The following SDK2 variants were observed in gnomAD, a reference collection of about 807,000 sequenced individuals.
SDK2 encodes the protein sidekick cell adhesion molecule 2, also known as protein sidekick-2.
A neutral mutation model predicts 253.9 loss-of-function variants in SDK2; 105 were observed. The observed-to-expected ratio is 0.41, with a 90% confidence interval of 0.35 to 0.49. SDK2 has a LOEUF of 0.49. Ranked by LOEUF, SDK2 falls within the 20% of genes least tolerant of loss-of-function variation. The pLI is 0.06. For synonymous variants in SDK2, 1,249 were observed against 1,234.9 expected, an observed-to-expected ratio of 1.01 and a Z score of -0.24; for missense variants, 2,608 against 3,003.0, an observed-to-expected ratio of 0.87 and a Z score of 3.07.
chr17:73,496,399 A>G lies in SDK2; in HGVS notation c.224+11039T>C, dbSNP rs1424943924. On this transcript the variant is annotated intron_variant, in intron 2 of 44. Transcript: ENST00000392650. This position sits in a 1 kb window ranked among gnomAD's most constrained non-coding sequence, Gnocchi z 4.7. ...GGGGCTGGATCTGGGAAGATAAACA[A>G]CGGTTTGCCAGGTAGCAGAGGCGTG... 6.6e-6 allele frequency among the ~76,000 whole-genome samples: 1 copy of G among 152,188 alleles called. No individual in the cohort carries two copies.
chr17:73,389,678 G>A (rs1399895649), intron 29 of SDK2, among the ~76,000 whole-genome samples: 1 of 152,214 alleles, frequency 6.6e-6, no homozygotes. Context: ...CCCTGATCCT[G>A]CGCCCATCTG....
At chr17:73,442,772 G>T (rs2063425516) in intron 5 of SDK2, among the ~76,000 whole-genome samples, 1 of 151,788 alleles carries the variant, frequency 6.6e-6, no homozygotes, top group South Asian at 2.1e-4. Context: ...AACTCCCAGG[G>T]TCGATGATTG....
chr17:73,434,322 CA>C (rs1315142564), intron 9 of SDK2, among the ~76,000 whole-genome samples: 9 of 152,268 alleles, frequency 5.9e-5, no homozygotes, highest in Non-Finnish European at 1.2e-4. Flanking sequence ...AGGGTTGGGG[CA>C]GCCTCCTGGC....
intron 8 of SDK2, among the ~76,000 whole-genome samples, chr17:73,437,289 G>C (rs1030909275): frequency 6.6e-6 from 1 of 152,140 alleles, no homozygotes; most frequent in Admixed American, 6.5e-5. Context: ...AATTCTCCAG[G>C]AACTCTTTCA....
chr17:73,524,896 A>C (rs2064113066), intron 1 of SDK2, among the ~76,000 whole-genome samples: 1 of 152,250 alleles, frequency 6.6e-6, no homozygotes, highest in Admixed American at 6.5e-5. Context: ...CAGACGTTTC[A>C]GGCAGGAGCA....
intron 40 of SDK2, among the ~76,000 whole-genome samples, chr17:73,355,174 A>ATTTTTTTTT (rs770032791): frequency 6.1e-4 from 29 of 47,224 alleles, no homozygotes; most frequent in South Asian, 3.6e-3. Flanking sequence ...ATATATATAT[A>ATTTTTTTTT]TTTTTTTTTT....
At chr17:73,432,834 GTA>G (rs1045061682) in intron 10 of SDK2, among the ~76,000 whole-genome samples, 5 of 149,598 alleles carry the variant, frequency 3.3e-5, no homozygotes, top group Admixed American at 6.6e-5. Flanking sequence ...ACGTGTGCAT[GTA>G]TGTGTGTGCA....
At chr17:73,552,566 A>G (rs1410608324) in intron 1 of SDK2, among the ~76,000 whole-genome samples, 1 of 152,132 alleles carries the variant, frequency 6.6e-6, no homozygotes, top group Non-Finnish European at 1.5e-5. Context: ...ACCCATCATG[A>G]GCCACTTAGA....
At chr17:73,513,626 A>C (rs771311628) in intron 1 of SDK2, 5 of 152,196 alleles carry the variant, frequency 3.3e-5, no homozygotes, top group Non-Finnish European at 7.3e-5. Context: ...TCACTTGTGC[A>C]TGTGTGAAAT....
rs1342105479 is a variant in SDK2, at chr17:73,399,436, A to G, written c.2972-147T>C. On this transcript the variant is annotated intron_variant, in intron 21 of 44. Coordinates refer to ENST00000392650, the MANE Select transcript of SDK2 (RefSeq NM_001144952.2). ...GCACAGCCACGGCCCCACTCCACCCACAGTCTTTGTTCCTGTGTCTTACGG... is the reference window on the plus strand; with the variant it reads ...GCACAGCCACGGCCCCACTCCACCCGCAGTCTTTGTTCCTGTGTCTTACGG... The G allele has an allele frequency of 3.5e-6, 3 of 849,940 alleles. No homozygotes were observed. In the African/African-American group the frequency reaches 5.1e-5, roughly 14 times the overall value. 52.6% of individuals were successfully genotyped at this position (849,940 alleles called of 1,614,324 possible).
intron 44 of SDK2, among the ~76,000 whole-genome samples, chr17:73,346,774 C>T (rs1354168106): frequency 3.9e-5 from 6 of 152,040 alleles, no homozygotes; most frequent in South Asian, 4.2e-4. Context: ...AACCAGGTGG[C>T]GTATGCAAAA....
intron 1 of SDK2, chr17:73,518,732 T>C (rs548937702): frequency 7.2e-5 from 11 of 152,306 alleles, no homozygotes; most frequent in Admixed American, 6.5e-4. Flanking sequence ...ATTTGAGCTA[T>C]AAAAGTGGCG....
intron 1 of SDK2, among the ~76,000 whole-genome samples, chr17:73,557,910 A>G (rs2045169832): frequency 1.3e-5 from 2 of 152,154 alleles, no homozygotes. Context: ...TGGACTCAGC[A>G]GTAGAAATGG....
chr17:73,637,174 G>A (rs975045014), intron 1 of SDK2, among the ~76,000 whole-genome samples: 5 of 152,088 alleles, frequency 3.3e-5, no homozygotes, highest in South Asian at 4.2e-4. Context: ...AATGTCTTGT[G>A]TAAAGTCACC....
chr17:73,551,368 C>T (rs930173812), intron 1 of SDK2, among the ~76,000 whole-genome samples: 14 of 152,210 alleles, frequency 9.2e-5, no homozygotes, highest in East Asian at 3.9e-4. Context: ...AACAGAAACG[C>T]GGCCTGGGCC....
intron 3 of SDK2, among the ~76,000 whole-genome samples, chr17:73,457,098 CTG>C (rs2063530914): frequency 6.6e-6 from 1 of 152,220 alleles, no homozygotes; most frequent in African/African-American, 2.4e-5. Context: ...CCAAACTTGA[CTG>C]TGTGTCGGAA....
intron 15 of SDK2, among the ~76,000 whole-genome samples, chr17:73,419,873 C>T (rs1282610011): frequency 2.0e-5 from 3 of 149,208 alleles, no homozygotes; most frequent in African/African-American, 7.5e-5. Context: ...AACAGAGACC[C>T]TGTCTCAAAA....
At chr17:73,341,083 T>C (rs1330632138) in intron 44 of SDK2, among the ~76,000 whole-genome samples, 1 of 150,980 alleles carries the variant, frequency 6.6e-6, no homozygotes, top group Non-Finnish European at 1.5e-5. Flanking sequence ...GGGTCTCTCT[T>C]TGTTGCCTAG....
chr17:73,381,078 A>G (rs1599503710), intron 33 of SDK2, 128 bp from the exon 34 acceptor site: 1 of 645,908 alleles, frequency 1.5e-6, no homozygotes, highest in South Asian at 1.8e-5. Context: ...ACAGACAGGA[A>G]GAGTGTTTCC....
Sources: gnomAD v4.1 joint callset for allele counts (sites outside exome capture counted in the v4.1 genomes callset) on GRCh38, gnomAD v4.1.1 for gene constraint, Gnocchi (gnomAD v3.1) non-coding constraint, MANE v1.5 for transcripts, NCBI Gene and HGNC (gene_info 2026-07-23, HGNC 2026-07-21) for gene names.